The following UNC13B variants were observed in gnomAD, a reference collection of about 807,000 sequenced individuals.
UNC13B encodes the protein unc-13 homolog B.
In UNC13B, 144 loss-of-function variants were observed where a neutral mutation model predicts 211.0. The ratio of observed to expected loss-of-function variants is 0.68; its 90% CI spans 0.60 to 0.78. The LOEUF (loss-of-function observed/expected upper bound fraction) is 0.78. Ranked by LOEUF, UNC13B falls within the 30% of genes least tolerant of loss-of-function variation. The pLI, the probability that UNC13B is intolerant of heterozygous loss-of-function variation, is 0.00. For missense variants in UNC13B, 1,777 were observed against 2,002.0 expected, an observed-to-expected ratio of 0.89 and a Z score of 2.14; for synonymous variants, 709 against 725.8, an observed-to-expected ratio of 0.98 and a Z score of 0.37.
intron 13 of UNC13B, among the ~76,000 whole-genome samples, chr9:35,374,332 C>T (rs1191847530): frequency 7.0e-5 from 9 of 129,012 alleles, no homozygotes; most frequent in Non-Finnish European, 4.7e-5. Context: ...AGACTTAACT[C>T]TCTGGGCTTG....
chr9:35,390,072 C>T (rs1835436092), intron 25 of UNC13B, 99 bp downstream of exon 25: 1 of 1,551,588 alleles, frequency 6.4e-7, no homozygotes, highest in South Asian at 1.2e-5. Context: ...GCAGTGCCAC[C>T]TCTTCTTCCT....
In UNC13B at chr9:35,381,701, C is replaced by A. The variant is rs942472095; in HGVS notation, c.10637C>A (p.Ser3546Tyr). 2.5e-6 allele frequency: 4 copies of A among 1,614,070 alleles called. No homozygotes were observed. Among genetic ancestry groups the A allele is most frequent in the Non-Finnish European group, 3.4e-6 (4 of 1,179,994 alleles). ...DEFAMRYGIE[S>Y]IYQAMTHFAC... ...TTTGCCATGCGTTATGGCATTGAGT[C>A]CATATATCAGGCCATGACGTGAGTC... The change falls in exon 20 of 40, where the codon TCC becomes TAC. Residue 3546 changes from serine to tyrosine, a missense_variant. By Grantham distance (144) the Ser-to-Tyr change is moderately radical (BLOSUM62 -2). Coordinates refer to ENST00000635942, the MANE Select transcript of UNC13B (RefSeq NM_001371189.2).
At position 35,162,279 on chromosome 9, in the gene UNC13B, C is replaced by G. The variant is rs777946631; in HGVS notation, c.-5C>G. The G allele has an allele frequency of 1.6e-5, 24 of 1,541,412 alleles. No homozygotes were observed. The Admixed American group carries it at 2.9e-4, about 19-fold the overall frequency. On this transcript the variant is annotated 5_prime_UTR_variant, in exon 1 of 40. Transcript: ENST00000635942. The stretch of plus-strand genomic sequence containing the variant: ...GCGCGGCAGAGGCTTGCCCGATCCT[C>G]GGCCATGTCACTGCTCTGCGTGCGC...
Position 35,171,259 on chromosome 9 carries a change from G to A in UNC13B, c.22+8954G>A, listed in dbSNP as rs1248471662. Among the ~76,000 whole-genome samples, 5 of 151,950 alleles carry A rather than the reference G, an allele frequency of 3.3e-5. No homozygotes were observed. The East Asian group carries it at 5.8e-4, about 18-fold the overall frequency. ...TGGGACTACAGGTGCCCGCCACCAC[G>A]CCCAGCTAATTTTTGTATTTTCAGT... On this transcript the variant is annotated intron_variant, in intron 1 of 39. Coordinates refer to ENST00000635942, the MANE Select transcript of UNC13B (RefSeq NM_001371189.2).
Position 35,236,463 on chromosome 9 carries a change from C to T in UNC13B, c.153-6C>T, listed in dbSNP as rs938143608. ...TTTCCTCAAAGGGCTTTCCTCTTTCCCTTAGTGAGATTAGTCGCCTGGACC... is the reference window on the plus strand; with the variant it reads ...TTTCCTCAAAGGGCTTTCCTCTTTCTCTTAGTGAGATTAGTCGCCTGGACC... On this transcript the variant is annotated splice_polypyrimidine_tract_variant and splice_region_variant and intron_variant, in intron 3 of 39. Transcript: ENST00000635942. 1 of 1,611,838 alleles carries T rather than the reference C, an allele frequency of 6.2e-7. No homozygotes were observed. Among genetic ancestry groups the T allele is most frequent in the East Asian group, 2.2e-5 (1 of 44,882 alleles).
At chr9:35,365,823 GAGAT>G (rs1349056172) in intron 11 of UNC13B, among the ~76,000 whole-genome samples, 1 of 152,224 alleles carries the variant, frequency 6.6e-6, no homozygotes, top group Non-Finnish European at 1.5e-5. Context: ...GGTCCGTAGG[GAGAT>G]AGGCTTGATT....
chr9:35,375,897 T>G, intron 14 of UNC13B, 131 bp from the exon 15 acceptor site: 1 of 846,792 alleles, frequency 1.2e-6, no homozygotes, highest in Non-Finnish European at 1.9e-6. Flanking sequence ...GGAGAATTGC[T>G]TGAACCTGGG....
chr9:35,386,448 G>C (rs1835199067), intron 24 of UNC13B, among the ~76,000 whole-genome samples, 155 bp downstream of exon 24: 1 of 152,284 alleles, frequency 6.6e-6, no homozygotes, highest in South Asian at 2.1e-4. Flanking sequence ...GACCATGTGA[G>C]ATATGTGGAT....
rs1458569246 is a variant in UNC13B at position 35,307,036 on chromosome 9, A to C, written c.7632A>C (p.Gly2544=). ...ATGGTTGTTCCAGAGATGCTGTAGGATCAGTACCTCCAGAAAGGAGAGAAG... is the reference window on the plus strand; with the variant it reads ...ATGGTTGTTCCAGAGATGCTGTAGGCTCAGTACCTCCAGAAAGGAGAGAAG... The part of the protein sequence containing the change: ...LQNGCSRDAV[G]SVPPERREAA... The change falls in exon 9 of 40, where the codon GGA becomes GGC. Residue 2544 remains glycine, a synonymous_variant. Coordinates refer to ENST00000635942, the MANE Select transcript of UNC13B (RefSeq NM_001371189.2). 2.5e-6 allele frequency: 1 copy of C among 398,904 alleles called. No individual in the cohort carries two copies. Among genetic ancestry groups the C allele is most frequent in the Non-Finnish European group, 4.4e-6 (1 of 226,078 alleles). The allele number at this position is 398,904 out of a possible 1,614,324, so 24.7% of individuals were successfully genotyped here.
intron 7 of UNC13B, among the ~76,000 whole-genome samples, chr9:35,283,532 A>C (rs1381764598): frequency 1.3e-5 from 2 of 149,358 alleles, no homozygotes; most frequent in African/African-American, 5.0e-5. Context: ...TCCTTTTGTT[A>C]CTTTCTTCTA....
chr9:35,211,524 T>A (rs1823964511), intron 1 of UNC13B, among the ~76,000 whole-genome samples: 1 of 152,228 alleles, frequency 6.6e-6, no homozygotes, highest in Non-Finnish European at 1.5e-5. Context: ...TTAGGCTGAT[T>A]CTAACATTTT....
chr9:35,169,363 A>G (rs1431399580), intron 1 of UNC13B, among the ~76,000 whole-genome samples: 1 of 152,206 alleles, frequency 6.6e-6, no homozygotes, highest in African/African-American at 2.4e-5. Context: ...TTCATGGCTT[A>G]TCATTAATCA....
intron 26 of UNC13B, among the ~76,000 whole-genome samples, chr9:35,393,316 G>A (rs1020468777): frequency 8.5e-5 from 13 of 152,076 alleles, no homozygotes; most frequent in Admixed American, 1.3e-4. Flanking sequence ...GAAACCTGAA[G>A]GGTAATAAGA....
chr9:35,337,086 C>T (rs994724254), intron 11 of UNC13B, among the ~76,000 whole-genome samples: 5 of 151,114 alleles, frequency 3.3e-5, no homozygotes, highest in Non-Finnish European at 5.9e-5. Context: ...ATGTAAAGAA[C>T]TAGGACTTTT....
intron 1 of UNC13B, among the ~76,000 whole-genome samples, chr9:35,164,851 C>A (rs533089733): frequency 2.6e-4 from 40 of 152,142 alleles, no homozygotes; most frequent in African/African-American, 8.9e-4. Context: ...TTTAAATCCT[C>A]GGAGCACTTG....
Position 35,398,872 on chromosome 9 carries a change from A to G in UNC13B, c.11922-10A>G, listed in dbSNP as rs1836070159. ...GGGAGGGAAAGGCTACACTGCGGGC[A>G]CATGTGTAGTTTCCAGGTACGGATT... On this transcript the variant is annotated splice_polypyrimidine_tract_variant and intron_variant, in intron 32 of 39. Coordinates refer to ENST00000635942, the MANE Select transcript of UNC13B (RefSeq NM_001371189.2). 6.2e-7 allele frequency: 1 copy of G among 1,611,314 alleles called. No homozygotes were observed.
rs899047419 is a variant in UNC13B at position 35,259,747 on chromosome 9, G to A, written c.526+697G>A. On this transcript the variant is annotated intron_variant, in intron 7 of 39. Coordinates refer to ENST00000635942, the MANE Select transcript of UNC13B (RefSeq NM_001371189.2). ...ACTGACTTAGAGTCTGATCTATTTCGCTTTTTCAACCTGTGATATGTGTGT... is the reference window on the plus strand; with the variant it reads ...ACTGACTTAGAGTCTGATCTATTTCACTTTTTCAACCTGTGATATGTGTGT... 1.8e-4 allele frequency among the ~76,000 whole-genome samples: 20 copies of A among 113,024 alleles called. No individual in the cohort carries two copies. In the Admixed American group the frequency reaches 2.4e-3, roughly 14 times the overall value. The allele number at this position is 113,024 out of a possible 152,430, so 74.1% of individuals were successfully genotyped here. A position where few individuals can be genotyped will look rare whatever the true frequency, so the allele number is the denominator to read the frequency against.
At chr9:35,298,782 CTT>C (rs1434334343) in intron 8 of UNC13B, among the ~76,000 whole-genome samples, 1 of 152,136 alleles carries the variant, frequency 6.6e-6, no homozygotes, top group African/African-American at 2.4e-5. Flanking sequence ...AGAAGGCAGT[CTT>C]TAATCTAAGT....
At chr9:35,335,694 CT>C (rs556687609) in intron 11 of UNC13B, among the ~76,000 whole-genome samples, 646 of 139,222 alleles carry the variant, frequency 4.6e-3, no homozygotes, top group Non-Finnish European at 4.7e-3. Flanking sequence ...CCTTCTTGGC[CT>C]TTTTTTTTTT....
Sources: allele counts gnomAD v4.1 joint callset (sites outside exome capture counted in the v4.1 genomes callset), GRCh38; gene constraint gnomAD v4.1.1; transcripts MANE v1.5; gene names NCBI Gene and HGNC (gene_info 2026-07-23, HGNC 2026-07-21).